The following TCERG1L variants were observed in gnomAD, a reference collection of about 807,000 sequenced individuals.
TCERG1L encodes the protein transcription elongation regulator 1-like protein.
In TCERG1L, 37 loss-of-function variants were observed where a neutral mutation model predicts 56.3. The ratio of observed to expected loss-of-function variants is 0.66; its 90% CI spans 0.51 to 0.87. TCERG1L has a LOEUF of 0.87. Ranked by LOEUF, TCERG1L falls within the 40% of genes least tolerant of loss-of-function variation. The probability of loss-of-function intolerance (pLI) is 0.00; values close to 1 mark genes in which losing one functional copy is unlikely to be tolerated. For synonymous variants in TCERG1L, 324 were observed against 326.3 expected (o/e 0.99, Z 0.08); for missense variants, 799 against 774.2 (o/e 1.03, Z -0.38).
At chr10:131,241,409 T>C (rs1196324049) in intron 4 of TCERG1L, among the ~76,000 whole-genome samples, 4 of 152,038 alleles carry the variant, frequency 2.6e-5, no homozygotes, top group Admixed American at 2.6e-4. Flanking sequence ...AGGAACTAAG[T>C]GCAGGCAGAG....
intron 4 of TCERG1L, among the ~76,000 whole-genome samples, chr10:131,224,057 T>C (rs370198468): frequency 2.0e-4 from 31 of 152,196 alleles, no homozygotes; most frequent in African/African-American, 6.7e-4. Flanking sequence ...AACCGTTTCC[T>C]TTTAGGGCCT....
At chr10:131,301,836 C>A (rs1282014271) in intron 3 of TCERG1L, among the ~76,000 whole-genome samples, 1 of 152,020 alleles carries the variant, frequency 6.6e-6, no homozygotes, top group African/African-American at 2.4e-5. Context: ...GTAACAATTA[C>A]AGATAAATAT....
intron 4 of TCERG1L, among the ~76,000 whole-genome samples, chr10:131,183,830 G>A (rs560954670): frequency 3.3e-5 from 5 of 152,198 alleles, no homozygotes; most frequent in South Asian, 2.1e-4. Flanking sequence ...ATTATGGCGC[G>A]TGTGTCTGCC....
At chr10:131,185,625 G>C (rs555091215) in intron 4 of TCERG1L, among the ~76,000 whole-genome samples, 2 of 152,074 alleles carry the variant, frequency 1.3e-5, no homozygotes, top group Non-Finnish European at 2.9e-5. Context: ...ACGGCGAACA[G>C]GCATGTGAAA....
intron 11 of TCERG1L, among the ~76,000 whole-genome samples, 185 bp from the exon 12 acceptor site, chr10:131,093,503 G>A (rs1490390642): frequency 6.6e-6 from 1 of 152,050 alleles, no homozygotes; most frequent in African/African-American, 2.4e-5. Context: ...GGTCCTGCAG[G>A]GCCCTGACCC....
chr10:131,260,488 G>T lies in TCERG1L; in HGVS notation c.671-44C>A. 7.4e-7 allele frequency: 1 copy of T among 1,353,356 alleles called. No homozygotes were observed. Among genetic ancestry groups the T allele is most frequent in the African/African-American group, 1.5e-5 (1 of 65,214 alleles). 83.8% of individuals were successfully genotyped at this position (1,353,356 alleles called of 1,614,324 possible). On this transcript the variant is annotated intron_variant, in intron 3 of 11. Transcript: ENST00000368642. This position sits in a 1 kb window ranked among gnomAD's most constrained non-coding sequence, Gnocchi z 5.8. ...GAGGGTCAGCAAGGGGACGACCAGGGCCATGGGTGACAGATGCCCATCTCG... is the reference window on the plus strand; with the variant it reads ...GAGGGTCAGCAAGGGGACGACCAGGTCCATGGGTGACAGATGCCCATCTCG...
chr10:131,121,884 C>T (rs1288942997), intron 8 of TCERG1L, among the ~76,000 whole-genome samples: 1 of 152,234 alleles, frequency 6.6e-6, no homozygotes, highest in Middle Eastern at 3.2e-3. Flanking sequence ...GCCTGCCTCT[C>T]GTATAGTCTT....
chr10:131,098,544 C>T, intron 10 of TCERG1L, 120 bp from the exon 11 acceptor site: 2 of 1,283,906 alleles, frequency 1.6e-6, no homozygotes, highest in South Asian at 3.1e-5. Context: ...TTCTTGTTTA[C>T]AGCTGCTGGA....
At chr10:131,153,533 C>A (rs1177917776) in intron 6 of TCERG1L, among the ~76,000 whole-genome samples, 1 of 152,148 alleles carries the variant, frequency 6.6e-6, no homozygotes, top group Non-Finnish European at 1.5e-5. Flanking sequence ...GGGATTTTCC[C>A]AGCTGGCCTC....
At chr10:131,248,806 C>T (rs1484663326) in intron 4 of TCERG1L, among the ~76,000 whole-genome samples, 1 of 152,302 alleles carries the variant, frequency 6.6e-6, no homozygotes, top group African/African-American at 2.4e-5. Flanking sequence ...GTGTCATGCC[C>T]GGCAGAGGCT....
chr10:131,172,178 C>G (rs543322073), intron 4 of TCERG1L, among the ~76,000 whole-genome samples: 1 of 152,172 alleles, frequency 6.6e-6, no homozygotes, highest in Admixed American at 6.5e-5. Context: ...GGAGTTGCAG[C>G]CCTCACCATG....
At chr10:131,245,818 G>C (rs989818166) in intron 4 of TCERG1L, among the ~76,000 whole-genome samples, 7 of 152,332 alleles carry the variant, frequency 4.6e-5, no homozygotes, top group Admixed American at 3.3e-4. Flanking sequence ...AGAGCTCTGT[G>C]GGGTGGGCTG....
At chr10:131,302,568 T>A (rs1265420482) in intron 3 of TCERG1L, among the ~76,000 whole-genome samples, 1 of 151,864 alleles carries the variant, frequency 6.6e-6, no homozygotes, top group African/African-American at 2.4e-5. Flanking sequence ...AGAATCTCTA[T>A]TAACATAGCT....
chr10:131,132,489 C>G lies in TCERG1L; in HGVS notation c.1259+1890G>C, dbSNP rs141255695. On this transcript the variant is annotated intron_variant, in intron 8 of 11. Coordinates refer to ENST00000368642, the MANE Select transcript of TCERG1L (RefSeq NM_174937.4). ...CAGTCCCACGGGATGGGAGTGCAGC[C>G]GGGTGATGAGGCGGACAGCCCAGCT... Among the ~76,000 whole-genome samples the G allele has an allele frequency of 9.3e-3, 1,417 of 152,342 alleles. 9 individuals carry two copies. The highest frequency in any genetic ancestry group is 0.027 in the South Asian group (128 of 4,830).
In TCERG1L at chr10:131,269,429, T is replaced by A. The variant is rs1452373732; in HGVS notation, c.671-8985A>T. On this transcript the variant is annotated intron_variant, in intron 3 of 11. Coordinates refer to ENST00000368642, the MANE Select transcript of TCERG1L (RefSeq NM_174937.4). Reference sequence around the variant, plus strand: ...CTCAAACTCCTGACCTCAAGTGATCTGCCCGTCTCAACCTCCCAAAGTGCT... The same window carrying A: ...CTCAAACTCCTGACCTCAAGTGATCAGCCCGTCTCAACCTCCCAAAGTGCT... Among the ~76,000 whole-genome samples, 12 of 152,172 alleles carry A rather than the reference T, an allele frequency of 7.9e-5. 1 individual carries two copies. The highest frequency in any genetic ancestry group is 7.9e-4 in the Admixed American group (12 of 15,280).
At chr10:131,275,340 G>A (rs1846380460) in intron 3 of TCERG1L, among the ~76,000 whole-genome samples, 1 of 152,184 alleles carries the variant, frequency 6.6e-6, no homozygotes, top group Non-Finnish European at 1.5e-5. Flanking sequence ...CCCTGCCTCA[G>A]CAAAATGGAC....
rs1248762171 is a variant in TCERG1L at position 131,290,157 on chromosome 10, G to A, written c.670+18054C>T. On this transcript the variant is annotated intron_variant, in intron 3 of 11. Coordinates refer to ENST00000368642, the MANE Select transcript of TCERG1L (RefSeq NM_174937.4). The stretch of plus-strand genomic sequence containing the variant: ...GTGTGCACTGCCTCCATCTCCTATC[G>A]GTGTGTGTGTGTGTATGTGTGCACT... 2.2e-4 allele frequency among the ~76,000 whole-genome samples: 9 copies of A among 41,354 alleles called. 1 individual carries two copies. Among genetic ancestry groups the A allele is most frequent in the African/African-American group, 5.2e-4 (8 of 15,416 alleles). 27.1% of individuals were successfully genotyped at this position (41,354 alleles called of 152,430 possible).
At chr10:131,271,771 A>G (rs1283270756) in intron 3 of TCERG1L, among the ~76,000 whole-genome samples, 1 of 152,230 alleles carries the variant, frequency 6.6e-6, no homozygotes, top group Non-Finnish European at 1.5e-5. Context: ...GGCAAAGCCC[A>G]GGATGGCTGG....
chr10:131,219,956 GC>G (rs1786173216), intron 4 of TCERG1L, among the ~76,000 whole-genome samples: 1 of 152,124 alleles, frequency 6.6e-6, no homozygotes, highest in African/African-American at 2.4e-5. Flanking sequence ...CTACCAAAGC[GC>G]GTAGAACAGA....
Sources: gnomAD v4.1 joint callset for allele counts (sites outside exome capture counted in the v4.1 genomes callset) on GRCh38, gnomAD v4.1.1 for gene constraint, Gnocchi (gnomAD v3.1) non-coding constraint, MANE v1.5 for transcripts, NCBI Gene and HGNC (gene_info 2026-07-23, HGNC 2026-07-21) for gene names.